Variants in TAS1R2 observed in about 807,000 individuals in gnomAD.
The protein encoded by TAS1R2 is taste receptor type 1 member 2.
In TAS1R2, 47 loss-of-function variants were observed where a neutral mutation model predicts 49.3. That is an observed-to-expected ratio of 0.95 (90% confidence interval 0.75 to 1.22). The LOEUF is 1.22. Ranked by LOEUF, TAS1R2 falls within the 50% of genes most tolerant of loss-of-function variation. The pLI, the probability that TAS1R2 is intolerant of heterozygous loss-of-function variation, is 0.00. For missense variants in TAS1R2, 1,155 were observed against 1,122.1 expected (o/e 1.03, Z -0.42); for synonymous variants, 479 against 467.9 (o/e 1.02, Z -0.31).
At chr1:18,845,968 C>T (rs747004027) in intron 4 of TAS1R2, among the ~76,000 whole-genome samples, 4 of 152,184 alleles carry the variant, frequency 2.6e-5, no homozygotes, top group South Asian at 2.1e-4. Flanking sequence ...GCCAAACTCC[C>T]TTTCTGTTAG....
At position 18,854,483 on chromosome 1, in the gene TAS1R2, G is replaced by T. The variant is rs764147618; in HGVS notation, c.987C>A (p.Ser329Arg). The T allele has an allele frequency of 1.6e-5, 26 of 1,613,986 alleles. No individual in the cohort carries two copies. The highest frequency in any genetic ancestry group is 2.2e-5 in the Non-Finnish European group (26 of 1,180,030). ...ACTCACTGAAGCCCGGGATGGGCAC[G>T]CTCTGGATGGTGATGCCCAGGAAGG... Residue 329 changes from serine (S) to arginine (R), a missense_variant, in exon 3 of 6, where the codon AGC (serine) becomes AGA (arginine). Transcript: ENST00000375371. This position sits in a 1 kb window ranked among gnomAD's most constrained non-coding sequence, Gnocchi z 4.9.
Position 18,839,753 on chromosome 1 carries a change from G to C in TAS1R2, c.2366C>G (p.Thr789Ser), listed in dbSNP as rs1933779518. 3.7e-6 allele frequency: 6 copies of C among 1,614,244 alleles called. 1 individual carries two copies. In the South Asian group the frequency reaches 6.6e-5, roughly 18 times the overall value. ...CACAGTGACCAAGAGGTCCACGATG[G>C]TGACCAGCACCCCGCTGTAGGCAGA... Residue 789 changes from threonine to serine, a missense_variant, in exon 6 of 6, where the codon ACC becomes AGC. Physicochemically the swap from Thr to Ser is moderately conservative, Grantham distance 58 (BLOSUM62 1). Transcript: ENST00000375371.
chr1:18,849,184 G>A, intron 4 of TAS1R2, 157 bp downstream of exon 4: 1 of 805,194 alleles, frequency 1.2e-6, no homozygotes, highest in Non-Finnish European at 1.9e-6. Flanking sequence ...ATGGGGGAAG[G>A]AAAGGACCCC....
chr1:18,849,587 T>A (rs780258789), intron 3 of TAS1R2, 37 bp from the exon 4 acceptor site: 11 of 1,607,752 alleles, frequency 6.8e-6, no homozygotes, highest in Non-Finnish European at 8.5e-6. Context: ...GGAGCTAGCA[T>A]CAGAATCTGA....
intron 2 of TAS1R2, among the ~76,000 whole-genome samples, 192 bp from the exon 3 acceptor site, chr1:18,855,178 C>A (rs1934117712): frequency 1.3e-5 from 2 of 152,188 alleles, no homozygotes; most frequent in Admixed American, 1.3e-4. Context: ...GTGTGCCAGG[C>A]CCTAGGCCAG....
At position 18,854,660 on chromosome 1, in the gene TAS1R2, G is replaced by A. The variant is rs141057567; in HGVS notation, c.810C>T (p.Arg270=). 3.2e-5 allele frequency: 51 copies of A among 1,613,872 alleles called. No homozygotes were observed. The South Asian group carries it at 3.5e-4, about 11-fold the overall frequency. The change falls in exon 3 of 6, where the codon CGC becomes CGT. Residue 270 remains arginine, a synonymous_variant. Transcript: ENST00000375371. This position sits in a 1 kb window ranked among gnomAD's most constrained non-coding sequence, Gnocchi z 4.9. ...GGTCGGGCGAGAACACGACCACGACGCGCGCTGTGCTCTGCTGCAGCTTGT... is the reference window on the plus strand; with the variant it reads ...GGTCGGGCGAGAACACGACCACGACACGCGCTGTGCTCTGCTGCAGCTTGT...
chr1:18,839,848 G>A (rs761771931), exon 6 of TAS1R2: 23 of 1,614,204 alleles, frequency 1.4e-5, no homozygotes, highest in South Asian at 8.8e-5. Flanking sequence ...ACTTGGCCTC[G>A]TTGTAGTTGG....
In TAS1R2 at chr1:18,854,071, A is replaced by T; in HGVS notation, c.1257+142T>A. The T allele has an allele frequency of 1.3e-6, 1 of 764,382 alleles. No individual in the cohort carries two copies. Among genetic ancestry groups the T allele is most frequent in the Non-Finnish European group, 2.1e-6 (1 of 485,752 alleles). The allele number at this position is 764,382 out of a possible 1,614,324, so 47.3% of individuals were successfully genotyped here. A position where few individuals can be genotyped will look rare whatever the true frequency, so the allele number is the denominator to read the frequency against. On this transcript the variant is annotated intron_variant, in intron 3 of 5. Coordinates refer to ENST00000375371, the Ensembl canonical transcript of TAS1R2. The surrounding 1 kb of genome is among the most constrained non-coding windows in gnomAD (Gnocchi z 4.9). ...TGAGTGTTCAATTAATTTAAAAAGC[A>T]ATTTTGTTTTGGCACCAGGAAGGAC...
At chr1:18,840,325 C>A in exon 6 of TAS1R2, 1 of 1,614,086 alleles carries the variant, frequency 6.2e-7, no homozygotes, top group Non-Finnish European at 8.5e-7. Context: ...GGCCCCCAGC[C>A]GAGCGAACTA....
chr1:18,854,628 A>G lies in TAS1R2; in HGVS notation c.842T>C (p.Leu281Pro), dbSNP rs756852781. 1.2e-6 allele frequency: 2 copies of G among 1,614,118 alleles called. No individual in the cohort carries two copies. Among genetic ancestry groups the G allele is most frequent in the Non-Finnish European group, 1.7e-6 (2 of 1,179,998 alleles). The change falls in exon 3 of 6, where the codon CTG becomes CCG. Residue 281 changes from leucine (L) to proline (P), a missense_variant. Coordinates refer to ENST00000375371, the Ensembl canonical transcript of TAS1R2. This position sits in a 1 kb window ranked among gnomAD's most constrained non-coding sequence, Gnocchi z 4.9. ...CAGCACCTCATTGAAGAAGTGGTAC[A>G]GGGTCAGGTCGGGCGAGAACACGAC...
chr1:18,849,460 T>A, exon 4 of TAS1R2: 1 of 1,614,194 alleles, frequency 6.2e-7, no homozygotes. Context: ...CACTGGACAA[T>A]CTCCAAGTGC....
At chr1:18,840,176 A>T in exon 6 of TAS1R2, 2 of 1,614,214 alleles carry the variant, frequency 1.2e-6, no homozygotes, top group Non-Finnish European at 1.7e-6. Flanking sequence ...ACGCACGGCG[A>T]TACAGGAGAT....
intron 4 of TAS1R2, 21 bp from the exon 5 acceptor site, chr1:18,841,873 G>C: frequency 6.4e-7 from 1 of 1,565,314 alleles, no homozygotes; most frequent in Non-Finnish European, 8.7e-7. Context: ...GAGGGCAAGA[G>C]ACCCTGAGTC....
At chr1:18,846,672 G>A (rs1158506556) in intron 4 of TAS1R2, among the ~76,000 whole-genome samples, 2 of 152,178 alleles carry the variant, frequency 1.3e-5, no homozygotes, top group African/African-American at 2.4e-5. Flanking sequence ...CCTGGAGGAG[G>A]GTGGGTCCTT....
chr1:18,849,720 C>A (rs573675211), intron 3 of TAS1R2, among the ~76,000 whole-genome samples, 170 bp from the exon 4 acceptor site: 4 of 152,312 alleles, frequency 2.6e-5, no homozygotes, highest in Admixed American at 2.6e-4. Flanking sequence ...TGGCTGAGAG[C>A]TCTGCTTTGG....
chr1:18,853,334 T>A (rs1180518258), intron 3 of TAS1R2, among the ~76,000 whole-genome samples: 1 of 152,216 alleles, frequency 6.6e-6, no homozygotes, highest in Admixed American at 6.5e-5. Flanking sequence ...CAATACACAG[T>A]ATTTTTACCA....
intron 2 of TAS1R2, among the ~76,000 whole-genome samples, chr1:18,856,576 C>T (rs995577880): frequency 2.0e-5 from 3 of 152,164 alleles, no homozygotes; most frequent in Non-Finnish European, 2.9e-5. Flanking sequence ...CAGCTGTATC[C>T]CAGCACCTAC....
At chr1:18,857,784 C>G (rs554350674) in intron 1 of TAS1R2, among the ~76,000 whole-genome samples, 153 bp from the exon 2 acceptor site, 2 of 152,116 alleles carry the variant, frequency 1.3e-5, no homozygotes, top group African/African-American at 4.8e-5. Flanking sequence ...TTCACCATGT[C>G]ATTGTCACCA....
rs1934103891 is a variant in TAS1R2, at chr1:18,854,732, G to A, written c.738C>T (p.Asn246=). The A allele has an allele frequency of 1.2e-6, 2 of 1,612,398 alleles. No individual in the cohort carries two copies. Among genetic ancestry groups the A allele is most frequent in the Admixed American group, 1.7e-5 (1 of 59,966 alleles). ...GGCGCTCCTCTGACGTCATGTTCTGGTTGGGCTGCAGTGTGGGCAGCGTCT... is the reference window on the plus strand; with the variant it reads ...GGCGCTCCTCTGACGTCATGTTCTGATTGGGCTGCAGTGTGGGCAGCGTCT... Residue 246 remains asparagine (N), a synonymous_variant, in exon 3 of 6, where the codon AAC becomes AAT. Coordinates refer to ENST00000375371, the Ensembl canonical transcript of TAS1R2. The surrounding 1 kb of genome is among the most constrained non-coding windows in gnomAD (Gnocchi z 4.9).
Sources: allele counts gnomAD v4.1 joint callset (sites outside exome capture counted in the v4.1 genomes callset), GRCh38; gene constraint gnomAD v4.1.1; non-coding constraint Gnocchi (gnomAD v3.1); transcripts MANE v1.5; gene names NCBI Gene and HGNC (gene_info 2026-07-23, HGNC 2026-07-21).